The following TBC1D14 variants were observed in gnomAD, a reference collection of about 807,000 sequenced individuals.
TBC1D14 encodes the protein TBC1 domain family, member 14.
TBC1D14 carries 26 observed loss-of-function variants against 79.0 expected under a neutral mutation model. The observed-to-expected ratio is 0.33, with a 90% confidence interval of 0.24 to 0.46. TBC1D14 has a LOEUF of 0.46. Among genes scored for constraint, TBC1D14 ranks in the 20% least tolerant of loss-of-function variants. TBC1D14 has a pLI of 1.00. For synonymous variants in TBC1D14, 394 were observed against 349.9 expected (o/e 1.13, Z -1.40); for missense variants, 769 against 887.6 (o/e 0.87, Z 1.70).
intron 12 of TBC1D14, among the ~76,000 whole-genome samples, chr4:7,018,236 A>G (rs1455106010): frequency 6.6e-6 from 1 of 152,140 alleles, no homozygotes; most frequent in Non-Finnish European, 1.5e-5. Context: ...AAAGCATGCT[A>G]AGTTCCAGGG....
At chr4:6,984,088 G>C (rs544301396) in intron 3 of TBC1D14, among the ~76,000 whole-genome samples, 1 of 151,698 alleles carries the variant, frequency 6.6e-6, no homozygotes, top group Non-Finnish European at 1.5e-5. Context: ...CAGTACTGGG[G>C]TGAGAGGGGT....
At chr4:6,954,151 T>C (rs2109011340) in intron 2 of TBC1D14, 1 of 629,654 alleles carries the variant, frequency 1.6e-6, no homozygotes, top group East Asian at 2.8e-5. Flanking sequence ...TGGGTCCAGC[T>C]TGCCTTCATC....
At chr4:6,957,264 T>C (rs1314821888) in intron 2 of TBC1D14, among the ~76,000 whole-genome samples, 1 of 152,266 alleles carries the variant, frequency 6.6e-6, no homozygotes, top group African/African-American at 2.4e-5. Context: ...ATGTCTAGGC[T>C]ATTTTCCTTG....
Position 6,967,388 on chromosome 4 carries a change from A to G in TBC1D14, c.807A>G (p.Arg269=). 6.2e-7 allele frequency: 1 copy of G among 1,614,130 alleles called. No individual in the cohort carries two copies. The highest frequency in any genetic ancestry group is 8.5e-7 in the Non-Finnish European group (1 of 1,180,022). The change falls in exon 3 of 14, where the codon CGA becomes CGG. Residue 269 remains arginine, a synonymous_variant. Transcript: ENST00000409757. ...GWKLFGKAPL[R]ENAQKDSKRI... The stretch of plus-strand genomic sequence containing the variant: ...AGTTATTTGGGAAAGCGCCACTCCG[A>G]GAGAATGCCCAGAAGGATTCAAAGA...
intron 3 of TBC1D14, among the ~76,000 whole-genome samples, chr4:6,976,440 A>G (rs528422872): frequency 6.6e-6 from 1 of 152,322 alleles, no homozygotes; most frequent in African/African-American, 2.4e-5. Flanking sequence ...GAGAAGAACA[A>G]TGTCATACTT....
At chr4:6,939,704 C>A (rs1398146719) in intron 2 of TBC1D14, among the ~76,000 whole-genome samples, 1 of 129,924 alleles carries the variant, frequency 7.7e-6, no homozygotes, top group Admixed American at 8.9e-5. Flanking sequence ...TGCTCAGTGC[C>A]AGGCTGTGAG....
At chr4:6,954,451 T>A in intron 2 of TBC1D14, 1 of 710,668 alleles carries the variant, frequency 1.4e-6, no homozygotes, top group Non-Finnish European at 2.6e-6. Context: ...TTGGTTGGGC[T>A]GAGGTGTTTC....
chr4:6,926,292 A>G (rs1301328316), intron 2 of TBC1D14, among the ~76,000 whole-genome samples: 1 of 152,228 alleles, frequency 6.6e-6, no homozygotes, highest in East Asian at 1.9e-4. Flanking sequence ...ACTTTTAAGT[A>G]TGAGTTGCTT....
intron 2 of TBC1D14, among the ~76,000 whole-genome samples, chr4:6,936,580 G>T (rs1390758663): frequency 6.6e-6 from 1 of 152,214 alleles, no homozygotes; most frequent in Non-Finnish European, 1.5e-5. Context: ...GAATGAAACT[G>T]CCATAATCAT....
At chr4:6,913,666 T>A (rs1380684881) in intron 1 of TBC1D14, among the ~76,000 whole-genome samples, 1 of 152,232 alleles carries the variant, frequency 6.6e-6, no homozygotes, top group Non-Finnish European at 1.5e-5. Flanking sequence ...ATTATTTCTC[T>A]TATGAATAAT....
intron 1 of TBC1D14, among the ~76,000 whole-genome samples, chr4:6,914,498 G>A (rs560963067): frequency 3.3e-5 from 5 of 152,226 alleles, no homozygotes; most frequent in African/African-American, 1.2e-4. Context: ...GTGTGTAGCA[G>A]TGGAAACAGT....
chr4:6,996,340 A>C lies in TBC1D14; in HGVS notation c.978A>C (p.Lys326Asn), dbSNP rs771792107. Residue 326 changes from lysine (K) to asparagine (N), a missense_variant, in exon 5 of 14, where the codon AAA becomes AAC. This residue lies in a region of TBC1D14 where 367 missense variants were observed against 494.4 expected (regional missense o/e 0.74). Transcript: ENST00000409757. The part of the protein sequence containing the change: ...LEDRPANLPA[K>N]PAEEAQKHRQ... ...TCCTGTCAAGAAATCTCCCAGCAAA[A>C]CCAGCTGAAGAAGCTCAGAAGCACA... 6.2e-7 allele frequency: 1 copy of C among 1,613,638 alleles called. No individual in the cohort carries two copies. Among genetic ancestry groups the C allele is most frequent in the Non-Finnish European group, 8.5e-7 (1 of 1,179,778 alleles).
chr4:7,000,548 G>C (rs915335652), intron 6 of TBC1D14, among the ~76,000 whole-genome samples: 1 of 152,254 alleles, frequency 6.6e-6, no homozygotes, highest in Non-Finnish European at 1.5e-5. Flanking sequence ...CGGGGGCCTG[G>C]TTTGCCCAGG....
At chr4:6,912,437 G>A (rs374199259) in intron 1 of TBC1D14, among the ~76,000 whole-genome samples, 84 of 151,962 alleles carry the variant, frequency 5.5e-4, no homozygotes, top group Non-Finnish European at 1.0e-3. Context: ...TCTTGGGCCC[G>A]GGTGGTTTAG....
chr4:6,917,395 G>C (rs1006287812), intron 1 of TBC1D14, among the ~76,000 whole-genome samples: 5 of 152,228 alleles, frequency 3.3e-5, no homozygotes, highest in Non-Finnish European at 5.9e-5. Flanking sequence ...CAGGTGGGGT[G>C]TAGCCAAAAG....
intron 1 of TBC1D14, among the ~76,000 whole-genome samples, chr4:6,921,348 A>G (rs1210686858): frequency 3.3e-5 from 5 of 151,696 alleles, no homozygotes; most frequent in Non-Finnish European, 7.4e-5. Flanking sequence ...AGCTAGGACC[A>G]CAGACGTGCC....
chr4:6,928,015 G>C (rs1239485696), intron 2 of TBC1D14, among the ~76,000 whole-genome samples: 1 of 152,174 alleles, frequency 6.6e-6, no homozygotes, highest in Non-Finnish European at 1.5e-5. Flanking sequence ...TTCCACAGAA[G>C]ATAGGGTTGG....
At chr4:7,020,634 C>CT (rs1560360507) in intron 12 of TBC1D14, among the ~76,000 whole-genome samples, 2 of 152,336 alleles carry the variant, frequency 1.3e-5, no homozygotes, top group African/African-American at 4.8e-5. Context: ...CTGACTTTCC[C>CT]TTTTACTTTA....
chr4:6,996,408 G>A lies in TBC1D14; in HGVS notation c.1045+1G>A, dbSNP rs1257694449. The A allele has an allele frequency of 6.2e-7, 1 of 1,612,406 alleles. No homozygotes were observed. Among genetic ancestry groups the A allele is most frequent in the Non-Finnish European group, 8.5e-7 (1 of 1,178,596 alleles). On this transcript the variant is annotated splice_donor_variant, in intron 5 of 13. Transcript: ENST00000409757. LOFTEE classifies it high-confidence loss of function. Reference sequence around the variant, plus strand: ...ATGGTGGTTCAGGCCAAAAAGCGAGGTAATGGGGTTCACACTTGATGGGTT... The same window carrying A: ...ATGGTGGTTCAGGCCAAAAAGCGAGATAATGGGGTTCACACTTGATGGGTT...
Sources: allele counts gnomAD v4.1 joint callset (sites outside exome capture counted in the v4.1 genomes callset), GRCh38; gene constraint gnomAD v4.1.1; regional missense constraint gnomAD v4.1.1; transcripts MANE v1.5; gene names NCBI Gene and HGNC (gene_info 2026-07-23, HGNC 2026-07-21).